Variants in MEF2A observed in about 807,000 individuals in gnomAD.
MEF2A encodes myocyte enhancer factor 2A.
Under a neutral mutation model 55.8 loss-of-function variants are expected in MEF2A, and 28 were observed. The ratio of observed to expected loss-of-function variants is 0.50; its 90% CI spans 0.37 to 0.69. The LOEUF is 0.69. MEF2A is among the 30% of genes least tolerant of loss of function. The pLI is 0.00. For missense variants in MEF2A, 528 were observed against 626.2 expected, an observed-to-expected ratio of 0.84 and a Z score of 1.67; for synonymous variants, 239 against 227.1, an observed-to-expected ratio of 1.05 and a Z score of -0.47.
intron 9 of MEF2A, among the ~76,000 whole-genome samples, chr15:99,703,991 T>C (rs996805918): frequency 1.3e-5 from 2 of 152,232 alleles, no homozygotes; most frequent in Non-Finnish European, 2.9e-5. Flanking sequence ...ACGTTTTCTG[T>C]TGGCTTTTCC....
chr15:99,679,442 G>C (rs1420273584), intron 7 of MEF2A, among the ~76,000 whole-genome samples: 3 of 152,158 alleles, frequency 2.0e-5, no homozygotes. Flanking sequence ...CAAACATTAT[G>C]AATTAAAGAA....
At chr15:99,651,545 C>T (rs573967041) in intron 4 of MEF2A, among the ~76,000 whole-genome samples, 4 of 152,274 alleles carry the variant, frequency 2.6e-5, no homozygotes, top group African/African-American at 9.6e-5. Context: ...CACCTCCAGT[C>T]CCCTGCCCTG....
In MEF2A at chr15:99,594,459, C is replaced by CTTTTTCT. The variant is rs1308707094; in HGVS notation, c.-224-3966_-224-3965insCTTTTTT. Among the ~76,000 whole-genome samples, 3 of 124,364 alleles carry CTTTTTCT rather than the reference C, an allele frequency of 2.4e-5. No individual in the cohort carries two copies. In the East Asian group the frequency reaches 6.8e-4, roughly 28 times the overall value. 81.6% of individuals were successfully genotyped at this position (124,364 alleles called of 152,430 possible). A position where few individuals can be genotyped will look rare whatever the true frequency, so the allele number is the denominator to read the frequency against. ...GCACTCCAAACCCTGTCCTTTCTTT[C>CTTTTTCT]TTTTTTTTTTTTTTTTTTTTTGAAG... On this transcript the variant is annotated intron_variant, in intron 1 of 11. Transcript: ENST00000557942.
intron 2 of MEF2A, among the ~76,000 whole-genome samples, chr15:99,599,600 T>C (rs1179850366): frequency 1.3e-5 from 2 of 152,150 alleles, no homozygotes; most frequent in African/African-American, 2.4e-5. Flanking sequence ...CATTTAATGA[T>C]TGATAATCTT....
At chr15:99,668,592 CTT>C (rs911324053) in intron 4 of MEF2A, among the ~76,000 whole-genome samples, 2 of 152,184 alleles carry the variant, frequency 1.3e-5, no homozygotes, top group Non-Finnish European at 2.9e-5. Flanking sequence ...TGCTAGCACT[CTT>C]GATGCATTTT....
chr15:99,697,148 GCATT>G (rs1333472120), intron 8 of MEF2A, among the ~76,000 whole-genome samples: 11 of 152,050 alleles, frequency 7.2e-5, no homozygotes, highest in Non-Finnish European at 1.5e-4. Context: ...TAAGGGGAAA[GCATT>G]CAGTCTTCTA....
chr15:99,631,078 T>C (rs561052391), intron 2 of MEF2A, among the ~76,000 whole-genome samples: 58 of 152,344 alleles, frequency 3.8e-4, no homozygotes, highest in African/African-American at 1.3e-3. Context: ...GTTTTTCTTT[T>C]CTAGTTGTTC....
intron 1 of MEF2A, among the ~76,000 whole-genome samples, chr15:99,578,600 G>A (rs184846430): frequency 6.6e-6 from 1 of 152,252 alleles, no homozygotes; most frequent in East Asian, 1.9e-4. Flanking sequence ...TGCTACTGGG[G>A]AGTCTTTTTC....
intron 8 of MEF2A, among the ~76,000 whole-genome samples, chr15:99,697,550 A>T (rs1031665016): frequency 5.9e-5 from 9 of 152,270 alleles, no homozygotes; most frequent in African/African-American, 2.2e-4. Context: ...TGTATGTTGA[A>T]GACTGCAAAA....
intron 4 of MEF2A, among the ~76,000 whole-genome samples, chr15:99,659,126 C>A (rs183848247): frequency 4.7e-4 from 71 of 152,260 alleles, no homozygotes; most frequent in African/African-American, 1.6e-3. Context: ...GTCTGTGGTG[C>A]ACTGAGAATC....
chr15:99,709,883 T>C (rs780286543), intron 10 of MEF2A, among the ~76,000 whole-genome samples: 16 of 152,216 alleles, frequency 1.1e-4, no homozygotes, highest in Non-Finnish European at 1.8e-4. Flanking sequence ...CTAGGTACTT[T>C]AAACAAATGC....
At chr15:99,639,829 A>G (rs1596690483) in intron 3 of MEF2A, among the ~76,000 whole-genome samples, 2 of 151,514 alleles carry the variant, frequency 1.3e-5, no homozygotes, top group Non-Finnish European at 2.9e-5. Flanking sequence ...GTGAAATGCA[A>G]CCTGTTTTTG....
chr15:99,665,408 C>T (rs1467396502), intron 4 of MEF2A, among the ~76,000 whole-genome samples: 6 of 152,054 alleles, frequency 3.9e-5, no homozygotes, highest in Admixed American at 1.3e-4. Context: ...AACTGGATCC[C>T]TTCCTTACAC....
At chr15:99,699,485 T>C (rs1306273266) in intron 8 of MEF2A, among the ~76,000 whole-genome samples, 7 of 152,198 alleles carry the variant, frequency 4.6e-5, no homozygotes, top group Non-Finnish European at 1.0e-4. Flanking sequence ...TGCATGGGTC[T>C]GTGTTTGTTG....
In MEF2A at chr15:99,700,189, C is replaced by T. The variant is rs1173101954; in HGVS notation, c.859-3173C>T. ...ATACGTATATATGTGTGTATATATA[C>T]ACACACACACACACACACACACACA... On this transcript the variant is annotated intron_variant, in intron 8 of 11. Transcript: ENST00000557942. Among the ~76,000 whole-genome samples the T allele has an allele frequency of 4.1e-5, 5 of 122,302 alleles. 1 individual carries two copies. The highest frequency in any genetic ancestry group is 1.7e-4 in the African/African-American group (5 of 29,646). 80.2% of individuals were successfully genotyped at this position (122,302 alleles called of 152,430 possible). A position where few individuals can be genotyped will look rare whatever the true frequency, so the allele number is the denominator to read the frequency against.
At position 99,713,539 on chromosome 15, in the gene MEF2A, C is replaced by T. The variant is rs1399097589; in HGVS notation, c.*768C>T. ...TATGTCAGAAGTTTCTTTTTACATTCATATCTTAAAAATTAAAGAAACTGA... is the reference window on the plus strand; with the variant it reads ...TATGTCAGAAGTTTCTTTTTACATTTATATCTTAAAAATTAAAGAAACTGA... On this transcript the variant is annotated 3_prime_UTR_variant, in exon 12 of 12. Transcript: ENST00000557942. The T allele has an allele frequency of 2.0e-5, 3 of 152,092 alleles. No individual in the cohort carries two copies. The highest frequency in any genetic ancestry group is 4.4e-5 in the Non-Finnish European group (3 of 68,006). The allele number at this position is 152,092 out of a possible 1,614,324, so 9.4% of individuals were successfully genotyped here. A position where few individuals can be genotyped will look rare whatever the true frequency, so the allele number is the denominator to read the frequency against.
At chr15:99,577,593 A>G (rs1202914409) in intron 1 of MEF2A, among the ~76,000 whole-genome samples, 2 of 152,244 alleles carry the variant, frequency 1.3e-5, no homozygotes, top group African/African-American at 4.8e-5. Context: ...TGCCAAAACC[A>G]GGAAAGTAAT....
At chr15:99,584,087 A>G (rs985720768) in intron 1 of MEF2A, among the ~76,000 whole-genome samples, 2 of 152,188 alleles carry the variant, frequency 1.3e-5, no homozygotes, top group African/African-American at 4.8e-5. Context: ...AAACATATCT[A>G]AACGTGGAAA....
At chr15:99,676,295 C>T (rs1293793520) in intron 7 of MEF2A, among the ~76,000 whole-genome samples, 1 of 151,970 alleles carries the variant, frequency 6.6e-6, no homozygotes, top group Non-Finnish European at 1.5e-5. Context: ...CAGTTAAACA[C>T]TAGGGCTGCT....
Sources: gnomAD v4.1 joint callset for allele counts (sites outside exome capture counted in the v4.1 genomes callset) on GRCh38, gnomAD v4.1.1 for gene constraint, MANE v1.5 for transcripts, NCBI Gene and HGNC (gene_info 2026-07-23, HGNC 2026-07-21) for gene names.